Variants in SHANK2 observed in about 807,000 individuals in gnomAD.
SHANK2 encodes SH3 and multiple ankyrin repeat domains 2.
Under a neutral mutation model 133.7 loss-of-function variants are expected in SHANK2, and 43 were observed. The ratio of observed to expected loss-of-function variants is 0.32; its 90% CI spans 0.25 to 0.41. The LOEUF (loss-of-function observed/expected upper bound fraction) is 0.41. SHANK2 is among the 10% of genes least tolerant of loss of function. SHANK2 has a pLI of 1.00. For synonymous variants in SHANK2, 1,017 were observed against 952.8 expected, an observed-to-expected ratio of 1.07 and a Z score of -1.24; for missense variants, 1,994 against 2,235.8, an observed-to-expected ratio of 0.89 and a Z score of 2.18.
At chr11:70,812,364 CAT>C (rs1363487960) in intron 12 of SHANK2, among the ~76,000 whole-genome samples, 1 of 152,246 alleles carries the variant, frequency 6.6e-6, no homozygotes, top group Non-Finnish European at 1.5e-5. Flanking sequence ...CAAATGCTCA[CAT>C]GTCTTCTTAT....
intron 10 of SHANK2, among the ~76,000 whole-genome samples, chr11:70,906,170 T>C (rs1950101275): frequency 6.6e-6 from 1 of 152,212 alleles, no homozygotes; most frequent in South Asian, 2.1e-4. Flanking sequence ...CTGTTGCACC[T>C]GTCACCCAGG....
chr11:70,891,914 A>C (rs1025905174), intron 11 of SHANK2, among the ~76,000 whole-genome samples: 8 of 152,220 alleles, frequency 5.3e-5, no homozygotes, highest in Non-Finnish European at 1.2e-4. Flanking sequence ...TGGAAGGTGG[A>C]GGAATCTAGG....
In SHANK2 at chr11:70,946,323, A is replaced by G. The variant is rs376197533; in HGVS notation, c.1108-49756T>C. On this transcript the variant is annotated intron_variant, in intron 10 of 25. Coordinates refer to ENST00000601538, the MANE Select transcript of SHANK2 (RefSeq NM_012309.5). ...GCTCAACCTCTCTCTCCACTAACCAACACTTCCCAGGATCAGCCTCCCTCT... is the reference window on the plus strand; with the variant it reads ...GCTCAACCTCTCTCTCCACTAACCAGCACTTCCCAGGATCAGCCTCCCTCT... 2.8e-5 allele frequency among the ~76,000 whole-genome samples: 4 copies of G among 143,022 alleles called. 1 individual carries two copies. The East Asian group carries it at 8.5e-4, about 31-fold the overall frequency. The allele number at this position is 143,022 out of a possible 152,430, so 93.8% of individuals were successfully genotyped here.
At chr11:71,153,313 T>C (rs1347962204) in intron 2 of SHANK2, among the ~76,000 whole-genome samples, 1 of 151,094 alleles carries the variant, frequency 6.6e-6, no homozygotes, top group Non-Finnish European at 1.5e-5. Context: ...GGAGAGGCCA[T>C]AAAACCCCAG....
rs1565166395 is a variant in SHANK2, at chr11:70,599,913, A to AAGAAAGAAAGAT, written c.2061+59914_2061+59915insATCTTTCTTTCT. Among the ~76,000 whole-genome samples, 43 of 71,820 alleles carry AAGAAAGAAAGAT rather than the reference A, an allele frequency of 6.0e-4. 3 individuals are homozygous for AAGAAAGAAAGAT. The highest frequency in any genetic ancestry group is 2.9e-3 in the African/African-American group (42 of 14,682). 47.1% of individuals were successfully genotyped at this position (71,820 alleles called of 152,430 possible). A position where few individuals can be genotyped will look rare whatever the true frequency, so the allele number is the denominator to read the frequency against. On this transcript the variant is annotated intron_variant, in intron 17 of 25. Coordinates refer to ENST00000601538, the MANE Select transcript of SHANK2 (RefSeq NM_012309.5). ...AAAAAGAAAGAAAGAAAGAGAAAGA[A>AAGAAAGAAAGAT]AGAAAGAAAGAAAGAAAGAAAGAAA... is the stretch of plus-strand genomic sequence containing the variant.
intron 14 of SHANK2, among the ~76,000 whole-genome samples, chr11:70,736,327 A>C (rs925063229): frequency 2.0e-5 from 3 of 152,082 alleles, no homozygotes; most frequent in Non-Finnish European, 4.4e-5. Context: ...ATGTGACTGT[A>C]CCCTAGCCCC....
intron 25 of SHANK2, among the ~76,000 whole-genome samples, chr11:70,478,866 G>C (rs907793232): frequency 2.0e-5 from 3 of 152,236 alleles, no homozygotes; most frequent in Admixed American, 6.5e-5. Context: ...ACCTGGGAGT[G>C]GGGCAGGCAG....
At chr11:70,704,121 C>T (rs536864368) in intron 14 of SHANK2, among the ~76,000 whole-genome samples, 4 of 152,240 alleles carry the variant, frequency 2.6e-5, no homozygotes, top group Admixed American at 6.5e-5. Context: ...GCACAGGGCT[C>T]GGGAGGAAGA....
chr11:70,690,488 G>GTTTTTATTTTTTTTTTTTTT (rs1945259381), intron 15 of SHANK2, among the ~76,000 whole-genome samples: 1 of 32,802 alleles, frequency 3.0e-5, no homozygotes, highest in African/African-American at 1.2e-4. Flanking sequence ...TACTTCCCAT[G>GTTTTTATTTTTTTTTTTTTT]TTTTTTTTTT....
intron 1 of SHANK2, among the ~76,000 whole-genome samples, chr11:71,228,944 T>A (rs1417809170): frequency 6.6e-6 from 1 of 152,124 alleles, no homozygotes; most frequent in Admixed American, 6.6e-5. Flanking sequence ...TGTTTCAATA[T>A]TTTTTAAAAA....
chr11:70,588,993 A>G (rs1470283335), intron 17 of SHANK2, among the ~76,000 whole-genome samples: 1 of 152,086 alleles, frequency 6.6e-6, no homozygotes, highest in Non-Finnish European at 1.5e-5. Flanking sequence ...AATTTTTTGT[A>G]TTTTTAGTAG....
chr11:70,716,505 C>A (rs922446803), intron 14 of SHANK2, among the ~76,000 whole-genome samples: 1 of 152,162 alleles, frequency 6.6e-6, no homozygotes, highest in African/African-American at 2.4e-5. Context: ...GCTCGGGTTT[C>A]GGTGCTGGGA....
intron 14 of SHANK2, among the ~76,000 whole-genome samples, chr11:70,794,029 C>T (rs368299242): frequency 6.6e-6 from 1 of 152,068 alleles, no homozygotes; most frequent in African/African-American, 2.4e-5. Context: ...GCCTGTAATC[C>T]CAGCATTTTG....
chr11:70,881,850 C>T (rs1949665605), intron 11 of SHANK2, among the ~76,000 whole-genome samples: 1 of 151,826 alleles, frequency 6.6e-6, no homozygotes, highest in Non-Finnish European at 1.5e-5. Context: ...GTGATGCTCC[C>T]ACCTCAGCCT....
At chr11:71,077,250 C>T (rs1951233518) in intron 8 of SHANK2, among the ~76,000 whole-genome samples, 1 of 152,208 alleles carries the variant, frequency 6.6e-6, no homozygotes, top group Non-Finnish European at 1.5e-5. Context: ...TTTAATTGCT[C>T]TGTGGTCAAT....
rs73521161 is a variant in SHANK2 at position 71,112,503 on chromosome 11, G to A, written c.483+790C>T. Among the ~76,000 whole-genome samples the A allele has an allele frequency of 5.8e-3, 885 of 152,278 alleles. 10 individuals carry two copies. The highest frequency in any genetic ancestry group is 0.02 in the African/African-American group (848 of 41,554). On this transcript the variant is annotated intron_variant, in intron 5 of 25. Transcript: ENST00000601538. ...GAAAGCCATTGGTGAGCTCGCAGCT[G>A]CAGGGGAGCTCACCTGGAGAGCATC... is the stretch of plus-strand genomic sequence containing the variant.
chr11:71,062,884 C>T (rs1246287840), intron 9 of SHANK2, among the ~76,000 whole-genome samples: 1 of 150,710 alleles, frequency 6.6e-6, no homozygotes, highest in Non-Finnish European at 1.5e-5. Context: ...GTAGTCCTAG[C>T]TACTTGGGAG....
intron 14 of SHANK2, among the ~76,000 whole-genome samples, chr11:70,773,119 G>T (rs574630384): frequency 2.0e-5 from 3 of 152,170 alleles, no homozygotes; most frequent in Non-Finnish European, 2.9e-5. Flanking sequence ...ACCAGAGAGA[G>T]GCCTTCTAGA....
rs141471253 is a variant in SHANK2 at position 70,949,869 on chromosome 11, G to A, written c.1108-53302C>T. Among the ~76,000 whole-genome samples, 1,417 of 152,314 alleles carry A rather than the reference G, an allele frequency of 9.3e-3. 18 individuals are homozygous for A. Among genetic ancestry groups the A allele is most frequent in the Non-Finnish European group, 0.013 (877 of 68,028 alleles). On this transcript the variant is annotated intron_variant, in intron 10 of 25. Coordinates refer to ENST00000601538, the MANE Select transcript of SHANK2 (RefSeq NM_012309.5). ...CTCCACCTGCGCGTCTTAGTGAGTC[G>A]GGGCCTCTATGCCAAAACACCTGAG...
Sources: allele counts gnomAD v4.1 joint callset (sites outside exome capture counted in the v4.1 genomes callset), GRCh38; gene constraint gnomAD v4.1.1; transcripts MANE v1.5; gene names NCBI Gene and HGNC (gene_info 2026-07-23, HGNC 2026-07-21).